Variants in FOXK1 observed in about 807,000 individuals in gnomAD.
The protein encoded by FOXK1 is forkhead box K1.
A neutral mutation model predicts 51.9 loss-of-function variants in FOXK1; 19 were observed. That is an observed-to-expected ratio of 0.37 (90% CI 0.26 to 0.54). The LOEUF (loss-of-function observed/expected upper bound fraction) is 0.54. Among genes scored for constraint, FOXK1 ranks in the 20% least tolerant of loss-of-function variants. FOXK1 has a pLI of 0.87. For missense variants in FOXK1, 870 were observed against 1,032.7 expected, an observed-to-expected ratio of 0.84 and a Z score of 2.16; for synonymous variants, 537 against 482.6, an observed-to-expected ratio of 1.11 and a Z score of -1.48.
rs1780219632 is a variant in FOXK1 at position 4,715,219 on chromosome 7, T to TGTGGCGATACGGGGCACGGTGGAACC, written c.561-25616_561-25615insGCGATACGGGGCACGGTGGAACCGTG. On this transcript the variant is annotated intron_variant, in intron 1 of 8. Coordinates refer to ENST00000328914, the MANE Select transcript of FOXK1 (RefSeq NM_001037165.2). This position sits in a 1 kb window ranked among gnomAD's most constrained non-coding sequence, Gnocchi z 4.5. ...GTGGCGATACGGGGCACGGTGGAAC[T>TGTGGCGATACGGGGCACGGTGGAACC]GTGATGATATCGGGCATGGCGAAAT... Among the ~76,000 whole-genome samples, 3 of 152,152 alleles carry TGTGGCGATACGGGGCACGGTGGAACC rather than the reference T, an allele frequency of 2.0e-5. No individual in the cohort carries two copies. The highest frequency in any genetic ancestry group is 2.0e-4 in the Admixed American group (3 of 15,254).
rs886411281 is a variant in FOXK1 at position 4,753,008 on chromosome 7, G to T, written c.747-1451G>T. Among the ~76,000 whole-genome samples, 1 of 152,168 alleles carries T rather than the reference G, an allele frequency of 6.6e-6. No individual in the cohort carries two copies. The highest frequency in any genetic ancestry group is 2.4e-5 in the African/African-American group (1 of 41,444). On this transcript the variant is annotated intron_variant, in intron 2 of 8. Coordinates refer to ENST00000328914, the MANE Select transcript of FOXK1 (RefSeq NM_001037165.2). The surrounding 1 kb of genome is among the most constrained non-coding windows in gnomAD (Gnocchi z 4.9). ...TTTCCTTTTGACTGTTTCCTACCTC[G>T]ATCGAGCCATTTGTGGGTGTTCATT...
intron 1 of FOXK1, among the ~76,000 whole-genome samples, chr7:4,695,888 A>G (rs1313610175): frequency 6.7e-6 from 1 of 150,078 alleles, no homozygotes; most frequent in Non-Finnish European, 1.5e-5. Context: ...GTGAGCCGAG[A>G]TGGTGCCATT....
rs530269714 is a variant in FOXK1 at position 4,693,254 on chromosome 7, C to T, written c.560+10386C>T. On this transcript the variant is annotated intron_variant, in intron 1 of 8. Transcript: ENST00000328914. ...AGCTGATAGTTAAACTTGATCCCTT[C>T]GAACCCAATAAACTCTGTTTTTAAA... 3.9e-5 allele frequency among the ~76,000 whole-genome samples: 6 copies of T among 152,262 alleles called. No homozygotes were observed. In the South Asian group the frequency reaches 6.2e-4, roughly 16 times the overall value.
chr7:4,744,594 A>C lies in FOXK1; in HGVS notation c.746+3571A>C, dbSNP rs184817920. 2.0e-3 allele frequency among the ~76,000 whole-genome samples: 299 copies of C among 152,316 alleles called. 2 individuals carry two copies. The highest frequency in any genetic ancestry group is 0.017 in the South Asian group (83 of 4,834). On this transcript the variant is annotated intron_variant, in intron 2 of 8. Transcript: ENST00000328914. ...CCAGGTCAAGATTTCATTCTTTTTT[A>C]TAGCTGGGAGTAAAGAAATTGTGTA...
chr7:4,690,015 T>C (rs188576933), intron 1 of FOXK1, among the ~76,000 whole-genome samples: 18 of 152,332 alleles, frequency 1.2e-4, no homozygotes, highest in Non-Finnish European at 2.1e-4. Context: ...GCTGTCTCGC[T>C]TCTCCACGTG....
chr7:4,736,019 C>T (rs892978392), intron 1 of FOXK1, among the ~76,000 whole-genome samples: 7 of 152,110 alleles, frequency 4.6e-5, no homozygotes, highest in Non-Finnish European at 8.8e-5. Context: ...CTCTGTGGCG[C>T]GTGCCTGTAA....
chr7:4,771,039 CA>C lies in FOXK1; in HGVS notation c.*8576del, dbSNP rs1397109412. The C allele has an allele frequency of 6.6e-6, 1 of 152,488 alleles. No individual in the cohort carries two copies. The highest frequency in any genetic ancestry group is 1.5e-5 in the Non-Finnish European group (1 of 68,046). The allele number at this position is 152,488 out of a possible 1,614,324, so 9.4% of individuals were successfully genotyped here. A position where few individuals can be genotyped will look rare whatever the true frequency, so the allele number is the denominator to read the frequency against. On this transcript the variant is annotated 3_prime_UTR_variant, in exon 9 of 9. Transcript: ENST00000328914. ...ATTGGATGTGAAGTTCTGGTCATGT[CA>C]CCTTGCGTGTCTCACCCTGGAGGAG... is the stretch of plus-strand genomic sequence containing the variant.
Position 4,729,182 on chromosome 7 carries a change from C to G in FOXK1, c.561-11656C>G, listed in dbSNP as rs1459248188. 6.6e-6 allele frequency among the ~76,000 whole-genome samples: 1 copy of G among 152,144 alleles called. No individual in the cohort carries two copies. The highest frequency in any genetic ancestry group is 2.4e-5 in the African/African-American group (1 of 41,432). On this transcript the variant is annotated intron_variant, in intron 1 of 8. Transcript: ENST00000328914. The surrounding 1 kb of genome is among the most constrained non-coding windows in gnomAD (Gnocchi z 6.2). ...TTAAGCCACACAGCATGGTGGGGAGCGGAGGTGATTTCGGAGCCTACTCTC... is the reference window on the plus strand; with the variant it reads ...TTAAGCCACACAGCATGGTGGGGAGGGGAGGTGATTTCGGAGCCTACTCTC...
In FOXK1 at chr7:4,757,252, A is replaced by G; in HGVS notation, c.1244+65A>G. On this transcript the variant is annotated intron_variant, in intron 5 of 8. Coordinates refer to ENST00000328914, the MANE Select transcript of FOXK1 (RefSeq NM_001037165.2). ...AGCTGAGCTGCCCTGGAGTTTAGAGATACGTGGCGCAGTCAGCCCTCCGGA... is the reference window on the plus strand; with the variant it reads ...AGCTGAGCTGCCCTGGAGTTTAGAGGTACGTGGCGCAGTCAGCCCTCCGGA... 3.5e-6 allele frequency: 5 copies of G among 1,423,586 alleles called. No homozygotes were observed. In the South Asian group the frequency reaches 6.6e-5, roughly 19 times the overall value. The allele number at this position is 1,423,586 out of a possible 1,614,324, so 88.2% of individuals were successfully genotyped here.
rs1195377181 is a variant in FOXK1 at position 4,683,226 on chromosome 7, G to A, written c.560+358G>A. 6.6e-6 allele frequency among the ~76,000 whole-genome samples: 1 copy of A among 150,938 alleles called. No homozygotes were observed. The highest frequency in any genetic ancestry group is 1.5e-5 in the Non-Finnish European group (1 of 67,706). Reference sequence around the variant, plus strand: ...CCCTGACCTCATCTCCCACCGGCCTGGGCTCCTGGAGCCACCCATACCCCA... The same window carrying A: ...CCCTGACCTCATCTCCCACCGGCCTAGGCTCCTGGAGCCACCCATACCCCA... On this transcript the variant is annotated intron_variant, in intron 1 of 8. Coordinates refer to ENST00000328914, the MANE Select transcript of FOXK1 (RefSeq NM_001037165.2). The surrounding 1 kb of genome is among the most constrained non-coding windows in gnomAD (Gnocchi z 4.5).
At chr7:4,742,903 C>A (rs1438246439) in intron 2 of FOXK1, among the ~76,000 whole-genome samples, 1 of 152,150 alleles carries the variant, frequency 6.6e-6, no homozygotes, top group South Asian at 2.1e-4. Context: ...TTTTCCAGAG[C>A]CAGTGGGTGG....
In FOXK1 at chr7:4,767,012, G is replaced by A. The variant is rs910450885; in HGVS notation, c.*4548G>A. Reference sequence around the variant, plus strand: ...AAAATGAAAACGTAATGGAACACGGGGAGGTGTCGGAGAAGAAAGGATTTT... The same window carrying A: ...AAAATGAAAACGTAATGGAACACGGAGAGGTGTCGGAGAAGAAAGGATTTT... On this transcript the variant is annotated 3_prime_UTR_variant, in exon 9 of 9. Transcript: ENST00000328914. The surrounding 1 kb of genome is among the most constrained non-coding windows in gnomAD (Gnocchi z 6.6). The A allele has an allele frequency of 1.3e-5, 2 of 152,264 alleles. No individual in the cohort carries two copies. The highest frequency in any genetic ancestry group is 2.9e-5 in the Non-Finnish European group (2 of 68,056). The allele number at this position is 152,264 out of a possible 1,614,324, so 9.4% of individuals were successfully genotyped here. A position where few individuals can be genotyped will look rare whatever the true frequency, so the allele number is the denominator to read the frequency against.
chr7:4,752,332 T>C (rs764794600), intron 2 of FOXK1, among the ~76,000 whole-genome samples: 3 of 151,930 alleles, frequency 2.0e-5, no homozygotes, highest in Non-Finnish European at 4.4e-5. Flanking sequence ...TTTGTAGAGA[T>C]GGGGGTGTCA....
rs766133077 is a variant in FOXK1, at chr7:4,761,315, C to G, written c.1921+27C>G. On this transcript the variant is annotated intron_variant, in intron 8 of 8. Transcript: ENST00000328914. This position sits in a 1 kb window ranked among gnomAD's most constrained non-coding sequence, Gnocchi z 6.2. ...TGAGGCCCTGGCCCTGTTCTCCATG[C>G]CACATCCCAAGCTCTGTGGCTCCCA... 148 of 1,596,608 alleles carry G rather than the reference C, an allele frequency of 9.3e-5. No individual in the cohort carries two copies. The highest frequency in any genetic ancestry group is 1.2e-4 in the Non-Finnish European group (140 of 1,171,626).
chr7:4,751,853 C>T (rs781208765), intron 2 of FOXK1, among the ~76,000 whole-genome samples: 2 of 152,244 alleles, frequency 1.3e-5, no homozygotes, highest in Non-Finnish European at 2.9e-5. Context: ...CCACCCTACT[C>T]TCTCGCCTGT....
chr7:4,746,605 T>C (rs1780705626), intron 2 of FOXK1, among the ~76,000 whole-genome samples: 1 of 152,194 alleles, frequency 6.6e-6, no homozygotes, highest in South Asian at 2.1e-4. Context: ...GGAGGATCGC[T>C]TGAGCCCAGC....
At chr7:4,716,045 A>T (rs1329846661) in intron 1 of FOXK1, among the ~76,000 whole-genome samples, 1 of 152,144 alleles carries the variant, frequency 6.6e-6, no homozygotes, top group Non-Finnish European at 1.5e-5. Context: ...CAGTTTGGCC[A>T]ATATGATGAA....
intron 1 of FOXK1, among the ~76,000 whole-genome samples, chr7:4,724,522 G>A (rs1288058704): frequency 2.0e-5 from 3 of 152,200 alleles, no homozygotes; most frequent in African/African-American, 7.2e-5. Flanking sequence ...TTTGGTTGGG[G>A]AGCTCTGACT....
rs937081836 is a variant in FOXK1 at position 4,747,069 on chromosome 7, C to T, written c.746+6046C>T. On this transcript the variant is annotated intron_variant, in intron 2 of 8. Coordinates refer to ENST00000328914, the MANE Select transcript of FOXK1 (RefSeq NM_001037165.2). The surrounding 1 kb of genome is among the most constrained non-coding windows in gnomAD (Gnocchi z 9.2). ...CTTTGGCGCTAAAGTGTTGGGAGTTCGGAATGAAGCTTGGTAGGGAAGTCC... is the reference window on the plus strand; with the variant it reads ...CTTTGGCGCTAAAGTGTTGGGAGTTTGGAATGAAGCTTGGTAGGGAAGTCC... Among the ~76,000 whole-genome samples, 25 of 152,268 alleles carry T rather than the reference C, an allele frequency of 1.6e-4. No individual in the cohort carries two copies. The highest frequency in any genetic ancestry group is 3.3e-4 in the Admixed American group (5 of 15,290).
Sources: allele counts gnomAD v4.1 joint callset (sites outside exome capture counted in the v4.1 genomes callset), GRCh38; gene constraint gnomAD v4.1.1; non-coding constraint Gnocchi (gnomAD v3.1); transcripts MANE v1.5; gene names NCBI Gene and HGNC (gene_info 2026-07-23, HGNC 2026-07-21).